CPNE8: variants seen among roughly 807,000 people sequenced by gnomAD.
CPNE8 encodes copine 8, also known as copine-8.
Under a neutral mutation model 81.5 loss-of-function variants are expected in CPNE8, and 45 were observed. The ratio of observed to expected loss-of-function variants is 0.55; its 90% confidence interval spans 0.44 to 0.71. The LOEUF (loss-of-function observed/expected upper bound fraction) is 0.71, where lower values mean the gene tolerates loss of function less well. Ranked by LOEUF, CPNE8 falls within the 30% of genes least tolerant of loss-of-function variation. The pLI is 0.00. For missense variants in CPNE8, 594 were observed against 672.1 expected, an observed-to-expected ratio of 0.88 and a Z score of 1.28; for synonymous variants, 252 against 226.3, an observed-to-expected ratio of 1.11 and a Z score of -1.02.
At chr12:38,829,052 A>G (rs1157893925) in intron 6 of CPNE8, among the ~76,000 whole-genome samples, 2 of 152,240 alleles carry the variant, frequency 1.3e-5, no homozygotes, top group Non-Finnish European at 2.9e-5. Flanking sequence ...GCAGTTTACT[A>G]CATATATTTA....
chr12:38,655,172 G>A (rs150315653), intron 19 of CPNE8, among the ~76,000 whole-genome samples: 11 of 152,234 alleles, frequency 7.2e-5, no homozygotes, highest in Non-Finnish European at 8.8e-5. Context: ...GGCAAAAACC[G>A]CAATTACTTT....
chr12:38,839,536 C>A (rs1359137509), intron 5 of CPNE8, among the ~76,000 whole-genome samples: 1 of 150,530 alleles, frequency 6.6e-6, no homozygotes, highest in Non-Finnish European at 1.5e-5. Flanking sequence ...AAAAAAAAAA[C>A]AGAATAACAA....
chr12:38,770,789 A>C (rs1248175979), intron 7 of CPNE8, among the ~76,000 whole-genome samples: 1 of 152,140 alleles, frequency 6.6e-6, no homozygotes, highest in African/African-American at 2.4e-5. Context: ...TTGGGCTGGC[A>C]AACACTACTC....
chr12:38,892,117 C>T (rs1450872199), intron 1 of CPNE8, among the ~76,000 whole-genome samples: 1 of 151,928 alleles, frequency 6.6e-6, no homozygotes, highest in Non-Finnish European at 1.5e-5. Context: ...AGGAGAGCCA[C>T]AAATGGGGGA....
At chr12:38,743,586 T>G (rs1941158146) in intron 10 of CPNE8, among the ~76,000 whole-genome samples, 1 of 152,142 alleles carries the variant, frequency 6.6e-6, no homozygotes, top group South Asian at 2.1e-4. Flanking sequence ...TTTGAAGGCT[T>G]GATTTTCCTT....
At chr12:38,714,914 G>A (rs897356972) in intron 13 of CPNE8, among the ~76,000 whole-genome samples, 9 of 151,896 alleles carry the variant, frequency 5.9e-5, no homozygotes, top group Non-Finnish European at 1.5e-5. Flanking sequence ...TGAATACTAC[G>A]AACCAGGCCT....
intron 10 of CPNE8, among the ~76,000 whole-genome samples, chr12:38,736,106 C>T (rs1222909706): frequency 6.6e-6 from 1 of 151,648 alleles, no homozygotes; most frequent in East Asian, 1.9e-4. Flanking sequence ...TTTTATCAGT[C>T]TTAGCCACAC....
At chr12:38,806,490 A>G (rs978934737) in intron 6 of CPNE8, among the ~76,000 whole-genome samples, 4 of 150,330 alleles carry the variant, frequency 2.7e-5, no homozygotes, top group African/African-American at 9.7e-5. Flanking sequence ...AAACACAACC[A>G]AAGACAAAAA....
At chr12:38,862,774 C>A (rs932672896) in intron 3 of CPNE8, among the ~76,000 whole-genome samples, 8 of 152,072 alleles carry the variant, frequency 5.3e-5, no homozygotes, top group Admixed American at 4.6e-4. Context: ...CATGGCAAAA[C>A]CCTGGCTCTA....
rs1196840608 is a variant in CPNE8 at position 38,653,901 on chromosome 12, A to T, written c.1676T>A (p.Val559Glu). 1.9e-6 allele frequency: 3 copies of T among 1,613,050 alleles called. No individual in the cohort carries two copies. The highest frequency in any genetic ancestry group is 8.5e-7 in the Non-Finnish European group (1 of 1,179,772). ...GCACAGTCATATTTGAGTCTGTAACACATGTGTAGGTGGGGTGTATGGGGG... is the reference window on the plus strand; with the variant it reads ...GCACAGTCATATTTGAGTCTGTAACTCATGTGTAGGTGGGGTGTATGGGGG... ...APPPYTPPTHVLQTQI is the reference protein window; with the variant it reads ...APPPYTPPTHELQTQI Residue 559 changes from valine to glutamate, a missense_variant, in exon 20 of 20, where the codon GTG becomes GAG. Physicochemically the swap from Val to Glu is moderately radical, Grantham distance 121 (BLOSUM62 -2). Transcript: ENST00000331366.
chr12:38,820,910 C>T (rs1259504706), intron 6 of CPNE8, among the ~76,000 whole-genome samples: 1 of 152,138 alleles, frequency 6.6e-6, no homozygotes. Flanking sequence ...ATGAAAGAAA[C>T]CTGAAGGTCC....
chr12:38,670,082 C>A (rs1180598806), intron 19 of CPNE8, among the ~76,000 whole-genome samples: 2 of 152,146 alleles, frequency 1.3e-5, no homozygotes, highest in African/African-American at 4.8e-5. Flanking sequence ...TGTTTCTCTC[C>A]TCTTTCTTTA....
At chr12:38,659,743 T>G (rs1375990950) in intron 19 of CPNE8, among the ~76,000 whole-genome samples, 1 of 152,096 alleles carries the variant, frequency 6.6e-6, no homozygotes, top group African/African-American at 2.4e-5. Context: ...ATTAAGAAAC[T>G]CACTCAAAAC....
At chr12:38,797,951 G>A (rs546930291) in intron 6 of CPNE8, among the ~76,000 whole-genome samples, 2 of 152,242 alleles carry the variant, frequency 1.3e-5, no homozygotes, top group African/African-American at 4.8e-5. Flanking sequence ...GGGTATCAGT[G>A]ATGGAAGATG....
intron 3 of CPNE8, among the ~76,000 whole-genome samples, chr12:38,851,721 A>G (rs1943649129): frequency 6.6e-6 from 1 of 152,248 alleles, no homozygotes; most frequent in African/African-American, 2.4e-5. Context: ...TTGAAAATGT[A>G]AACATGCCCA....
chr12:38,774,039 A>C (rs2136884745), intron 7 of CPNE8, among the ~76,000 whole-genome samples: 1 of 152,292 alleles, frequency 6.6e-6, no homozygotes, highest in African/African-American at 2.4e-5. Flanking sequence ...TATTGAATTA[A>C]TTGTAAAAAG....
chr12:38,782,441 C>A (rs1272247326), intron 6 of CPNE8, among the ~76,000 whole-genome samples: 10 of 152,050 alleles, frequency 6.6e-5, no homozygotes, highest in Non-Finnish European at 1.3e-4. Context: ...TGATTTTGAT[C>A]ATCATATTGT....
intron 15 of CPNE8, among the ~76,000 whole-genome samples, chr12:38,691,395 T>A (rs1523120): frequency 0.12 from 17,702 of 152,162 alleles, 1,300 homozygotes; most frequent in East Asian, 0.25. Flanking sequence ...ATGAAGATTA[T>A]ATGAGATAAT....
chr12:38,899,211 C>A (rs1460331749), intron 1 of CPNE8, among the ~76,000 whole-genome samples: 2 of 152,036 alleles, frequency 1.3e-5, no homozygotes, highest in Non-Finnish European at 2.9e-5. Context: ...AAATCCTAAC[C>A]CCTAATGTGA....
Sources: gnomAD v4.1 joint callset for allele counts (sites outside exome capture counted in the v4.1 genomes callset) on GRCh38, gnomAD v4.1.1 for gene constraint, MANE v1.5 for transcripts, NCBI Gene and HGNC (gene_info 2026-07-23, HGNC 2026-07-21) for gene names.